Variants in MAF observed in about 807,000 individuals in gnomAD.
MAF encodes MAF bZIP transcription factor, also known as transcription factor Maf.
A neutral mutation model predicts 22.0 loss-of-function variants in MAF; 10 were observed. That is an observed-to-expected ratio of 0.45 (90% CI 0.28 to 0.77). MAF has a LOEUF of 0.77. Ranked by LOEUF, MAF falls within the 30% of genes least tolerant of loss-of-function variation. MAF has a pLI of 0.12. For missense variants in MAF, 544 were observed against 548.4 expected (o/e 0.99, Z 0.08); for synonymous variants, 337 against 255.8 (o/e 1.32, Z -3.03).
At chr16:79,464,235 T>C in the MAF span, among the ~76,000 whole-genome samples, 2 of 152,102 alleles carry the variant, frequency 1.3e-5, no homozygotes, top group South Asian at 2.1e-4. Context: ...CCAGGGATAA[T>C]GACTCAGATG....
chr16:79,529,452 A>G, the MAF span, among the ~76,000 whole-genome samples: 1 of 152,190 alleles, frequency 6.6e-6, no homozygotes, highest in African/African-American at 2.4e-5. Flanking sequence ...AAATCTACAT[A>G]CTATTTTAGT....
chr16:79,447,612 C>G, the MAF span, among the ~76,000 whole-genome samples: 3 of 152,114 alleles, frequency 2.0e-5, no homozygotes, highest in East Asian at 5.8e-4. Context: ...AAGTATTCAC[C>G]GTTCTAGATG....
chr16:79,529,102 C>T, the MAF span, among the ~76,000 whole-genome samples: 2 of 152,154 alleles, frequency 1.3e-5, no homozygotes, highest in Non-Finnish European at 2.9e-5. Flanking sequence ...AAAACTACTG[C>T]AGGACTGATT....
rs1292399392 is a variant in MAF, at chr16:79,600,162, G to C, written c.-260C>G. The C allele has an allele frequency of 2.4e-6, 1 of 425,372 alleles. No individual in the cohort carries two copies. Among genetic ancestry groups the C allele is most frequent in the Non-Finnish European group, 4.1e-6 (1 of 241,676 alleles). The allele number at this position is 425,372 out of a possible 1,614,324, so 26.3% of individuals were successfully genotyped here. On this transcript the variant is annotated 5_prime_UTR_variant, in exon 1 of 2. Transcript: ENST00000326043. ...CCCTCGCTCGCCCCGGCCCCTCCTT[G>C]CTCGCTCGCCTCCTTGCGCGCCGAG...
chr16:79,306,938 G>C, the MAF span, among the ~76,000 whole-genome samples: 2 of 152,216 alleles, frequency 1.3e-5, no homozygotes, highest in African/African-American at 4.8e-5. Context: ...AAGCACTTAA[G>C]ACTGTGCTGG....
chr16:79,542,985 G>A, the MAF span, among the ~76,000 whole-genome samples: 3 of 152,182 alleles, frequency 2.0e-5, no homozygotes, highest in Non-Finnish European at 2.9e-5. Context: ...GCATGCACAC[G>A]TGTGTGTATG....
chr16:79,597,195 T>TA (rs1474116641), intron 1 of MAF: 2 of 1,053,524 alleles, frequency 1.9e-6, no homozygotes, highest in Non-Finnish European at 2.3e-6. Context: ...ATCAATCGTT[T>TA]AAAAAATCTA....
the MAF span, among the ~76,000 whole-genome samples, chr16:79,430,635 G>T: frequency 7.2e-5 from 11 of 152,216 alleles, 1 homozygote; most frequent in Admixed American, 2.6e-4. Context: ...CCCAGGCCTG[G>T]TGTTGGTGGA....
At chr16:79,325,623 AC>A in the MAF span, among the ~76,000 whole-genome samples, 1 of 151,746 alleles carries the variant, frequency 6.6e-6, no homozygotes, top group South Asian at 2.1e-4. Flanking sequence ...ACACACACAC[AC>A]ACACAGAACA....
At position 79,586,314 on chromosome 16, in the gene MAF, G is replaced by C. The variant is rs374282201; in HGVS notation, c.1119-373C>G. 1.9e-3 allele frequency among the ~76,000 whole-genome samples: 290 copies of C among 152,204 alleles called. 3 individuals carry two copies. Among genetic ancestry groups the C allele is most frequent in the African/African-American group, 6.8e-3 (282 of 41,524 alleles). On this transcript the variant is annotated intron_variant, in intron 1 of 1. Transcript: ENST00000569649. Reference sequence around the variant, plus strand: ...GGAAGGATTTGAATCATTTCTGTTGGGCTTCTCTCAAGGACTCTCAGGCTG... The same window carrying C: ...GGAAGGATTTGAATCATTTCTGTTGCGCTTCTCTCAAGGACTCTCAGGCTG...
the MAF span, among the ~76,000 whole-genome samples, chr16:79,556,061 TTATAA>T: frequency 6.6e-6 from 1 of 152,168 alleles, no homozygotes; most frequent in African/African-American, 2.4e-5. Flanking sequence ...GATGATTTGT[TTATAA>T]TATATTTAGT....
chr16:79,384,112 A>T, the MAF span, among the ~76,000 whole-genome samples: 1 of 152,146 alleles, frequency 6.6e-6, no homozygotes, highest in Non-Finnish European at 1.5e-5. Flanking sequence ...TAGAACAGGA[A>T]GGGAGTCAGG....
At chr16:79,213,881 A>T in the MAF span, among the ~76,000 whole-genome samples, 1 of 152,160 alleles carries the variant, frequency 6.6e-6, no homozygotes, top group Admixed American at 6.5e-5. Flanking sequence ...CAGCTCACTA[A>T]GGTTAATTTT....
Position 79,599,077 on chromosome 16 carries a change from G to T in MAF, c.826C>A (p.Arg276=). The change falls in exon 1 of 2, where the codon CGG becomes AGG. Residue 276 remains arginine (R), a synonymous_variant. Coordinates refer to ENST00000326043, the MANE Select transcript of MAF (RefSeq NM_005360.5). The stretch of plus-strand genomic sequence containing the variant: ...TCCTTGCTGACCCCGCGCAGCTGCC[G>T]GTTCAGCTCGCGCACAGACATGGTC... The part of the protein sequence containing the change: ...LVTMSVRELN[R]QLRGVSKEEV... 6.2e-7 allele frequency: 1 copy of T among 1,609,784 alleles called. No homozygotes were observed. The highest frequency in any genetic ancestry group is 8.5e-7 in the Non-Finnish European group (1 of 1,179,604).
intron 1 of MAF, chr16:79,598,059 A>C (rs1187461680): frequency 4.9e-5 from 51 of 1,043,296 alleles, no homozygotes; most frequent in Non-Finnish European, 5.8e-5. Flanking sequence ...TAAAAAAAAA[A>C]CCCGATGGAA....
At chr16:79,261,777 C>T in the MAF span, among the ~76,000 whole-genome samples, 1 of 152,160 alleles carries the variant, frequency 6.6e-6, no homozygotes, top group Non-Finnish European at 1.5e-5. Context: ...AGGGCAGGGC[C>T]TGGCCTCAAA....
At chr16:79,402,141 A>AT in the MAF span, among the ~76,000 whole-genome samples, 1 of 152,108 alleles carries the variant, frequency 6.6e-6, no homozygotes, top group Admixed American at 6.5e-5. Flanking sequence ...GAATTGCTGA[A>AT]TTTTTCTGAG....
the MAF span, among the ~76,000 whole-genome samples, chr16:79,548,703 G>A: frequency 6.6e-6 from 1 of 152,092 alleles, no homozygotes; most frequent in African/African-American, 2.4e-5. Flanking sequence ...GACTTCCCCA[G>A]GGAGGCAGTG....
chr16:79,413,959 C>A, the MAF span, among the ~76,000 whole-genome samples: 16 of 152,298 alleles, frequency 1.1e-4, no homozygotes, highest in Middle Eastern at 6.8e-3. Flanking sequence ...GGCCAACACA[C>A]CTGAGTTCAG....
Sources: gnomAD v4.1 joint callset for allele counts (sites outside exome capture counted in the v4.1 genomes callset) on GRCh38, gnomAD v4.1.1 for gene constraint, MANE v1.5 for transcripts, NCBI Gene and HGNC (gene_info 2026-07-23, HGNC 2026-07-21) for gene names.